POLQ: variants seen among roughly 807,000 people sequenced by gnomAD.
POLQ encodes the protein DNA polymerase theta.
In POLQ, 233 loss-of-function variants were observed where a neutral mutation model predicts 259.2. The ratio of observed to expected loss-of-function variants is 0.90; its 90% CI spans 0.81 to 1.00. The LOEUF is 1.00. POLQ is among the 50% of genes least tolerant of loss of function. The probability of loss-of-function intolerance (pLI) is 0.00; values close to 1 mark genes in which losing one functional copy is unlikely to be tolerated. For synonymous variants in POLQ, 1,025 were observed against 1,048.8 expected (o/e 0.98, Z 0.44); for missense variants, 2,871 against 3,051.6 (o/e 0.94, Z 1.39).
rs2048339790 is a variant in POLQ, at chr3:121,522,047, A to G, written c.1211T>C (p.Val404Ala). 6.2e-7 allele frequency: 1 copy of G among 1,605,194 alleles called. No individual in the cohort carries two copies. The highest frequency in any genetic ancestry group is 1.1e-5 in the South Asian group (1 of 89,776). ...TCCCCATGGTACAGTTTTCTGTAAT[A>G]CAGAGTCCAGTCCTGAAGGCAAACG... Reference protein sequence around the residue: ...LRRLPSGLDSVLQKTVPWGVA... With the variant: ...LRRLPSGLDSALQKTVPWGVA... Residue 404 changes from valine to alanine, a missense_variant, in exon 8 of 30, where the codon GTA becomes GCA. Physicochemically the swap from Val to Ala is moderately conservative, Grantham distance 64. This residue lies in a region of POLQ where 783 missense variants were observed against 906.2 expected (regional missense o/e 0.86). Coordinates refer to ENST00000264233, the MANE Select transcript of POLQ (RefSeq NM_199420.4).
At chr3:121,515,950 A>G (rs2048291388) in intron 9 of POLQ, among the ~76,000 whole-genome samples, 1 of 152,132 alleles carries the variant, frequency 6.6e-6, no homozygotes, top group South Asian at 2.1e-4. Flanking sequence ...CAATATACAA[A>G]CAAAACAAGA....
chr3:121,526,242 T>C (rs1042512077), intron 7 of POLQ, among the ~76,000 whole-genome samples: 2 of 152,230 alleles, frequency 1.3e-5, no homozygotes, highest in African/African-American at 2.4e-5. Context: ...ATGTATTTCC[T>C]GACTTCAGAA....
intron 3 of POLQ, 48 bp from the exon 4 acceptor site, chr3:121,539,637 A>T: frequency 6.9e-7 from 1 of 1,445,730 alleles, no homozygotes; most frequent in Non-Finnish European, 9.7e-7. Flanking sequence ...CTTGAAATTC[A>T]AGAGTTATAA....
At chr3:121,460,789 G>C (rs1483838957) in intron 24 of POLQ, among the ~76,000 whole-genome samples, 1 of 152,130 alleles carries the variant, frequency 6.6e-6, no homozygotes, top group African/African-American at 2.4e-5. Context: ...CAACAGGTGA[G>C]CAAGTTATTA....
chr3:121,512,492 T>C (rs571857197), intron 9 of POLQ, among the ~76,000 whole-genome samples: 1 of 152,358 alleles, frequency 6.6e-6, no homozygotes, highest in South Asian at 2.1e-4. Flanking sequence ...TCACAATTTG[T>C]TGCCCCTAGA....
intron 12 of POLQ, among the ~76,000 whole-genome samples, chr3:121,507,170 C>G (rs1432165855): frequency 6.6e-6 from 1 of 152,176 alleles, no homozygotes; most frequent in Non-Finnish European, 1.5e-5. Flanking sequence ...ACTTCTCTGA[C>G]TATTCCTGTT....
At chr3:121,461,993 T>TTCCAAAATCCAATATGC in intron 24 of POLQ, among the ~76,000 whole-genome samples, 1 of 152,276 alleles carries the variant, frequency 6.6e-6, no homozygotes, top group South Asian at 2.1e-4. Flanking sequence ...TAATCCAAAA[T>TTCCAAAATCCAATATGC]TCCAAAATCC....
chr3:121,458,143 C>A (rs2108782998), intron 25 of POLQ, among the ~76,000 whole-genome samples: 1 of 152,018 alleles, frequency 6.6e-6, no homozygotes, highest in East Asian at 1.9e-4. Context: ...GAACAAAAAA[C>A]CAAACACCGC....
intron 2 of POLQ, 144 bp from the exon 3 acceptor site, chr3:121,541,623 A>G: frequency 1.5e-6 from 1 of 652,062 alleles, no homozygotes; most frequent in Non-Finnish European, 2.6e-6. Flanking sequence ...AAATCTTTAT[A>G]CCCTGAAATG....
intron 27 of POLQ, 38 bp downstream of exon 27, chr3:121,439,954 A>C (rs763460291): frequency 6.4e-7 from 1 of 1,563,586 alleles, no homozygotes; most frequent in Non-Finnish European, 8.8e-7. Flanking sequence ...CATGTCATTG[A>C]AATGTTAAGT....
At chr3:121,491,327 C>CAA in intron 15 of POLQ, among the ~76,000 whole-genome samples, 1 of 109,606 alleles carries the variant, frequency 9.1e-6, no homozygotes, top group Non-Finnish European at 1.7e-5. Flanking sequence ...CACTCCAGGG[C>CAA]GACAGAGCGA....
At chr3:121,440,787 T>G (rs1218900971) in intron 26 of POLQ, among the ~76,000 whole-genome samples, 3 of 152,192 alleles carry the variant, frequency 2.0e-5, no homozygotes, top group Non-Finnish European at 4.4e-5. Flanking sequence ...CTTTTACTCT[T>G]TCATCTTATC....
chr3:121,472,509 G>A (rs1204939496), intron 21 of POLQ, among the ~76,000 whole-genome samples: 5 of 152,166 alleles, frequency 3.3e-5, no homozygotes, highest in Non-Finnish European at 7.3e-5. Flanking sequence ...CTCCTCACAT[G>A]ACTGGAAGTA....
intron 26 of POLQ, among the ~76,000 whole-genome samples, chr3:121,442,438 C>G (rs1015286917): frequency 1.3e-5 from 2 of 152,178 alleles, no homozygotes; most frequent in Admixed American, 6.5e-5. Context: ...CCCCCTACCC[C>G]CAATACCCTT....
intron 11 of POLQ, 42 bp downstream of exon 11, chr3:121,509,997 G>T (rs1466297923): frequency 1.4e-6 from 2 of 1,465,732 alleles, no homozygotes; most frequent in African/African-American, 1.4e-5. Context: ...CCTCACTAAA[G>T]AAGAAAAAGT....
intron 8 of POLQ, among the ~76,000 whole-genome samples, chr3:121,521,195 T>C (rs374313475): frequency 1.3e-5 from 2 of 152,200 alleles, no homozygotes; most frequent in East Asian, 3.9e-4. Context: ...TTAAATTGCA[T>C]GTCCTACCAC....
At chr3:121,506,858 T>G (rs1156250013) in intron 12 of POLQ, among the ~76,000 whole-genome samples, 1 of 152,162 alleles carries the variant, frequency 6.6e-6, no homozygotes, top group East Asian at 1.9e-4. Flanking sequence ...GATCCAAATG[T>G]CCATCAATAG....
intron 12 of POLQ, among the ~76,000 whole-genome samples, chr3:121,506,947 G>A (rs1283915233): frequency 2.6e-5 from 4 of 151,896 alleles, no homozygotes; most frequent in African/African-American, 7.3e-5. Context: ...AAAATGAATT[G>A]ATATGAAGTG....
chr3:121,440,289 T>A (rs1415340690), intron 26 of POLQ, among the ~76,000 whole-genome samples, 173 bp from the exon 27 acceptor site: 1 of 152,200 alleles, frequency 6.6e-6, no homozygotes, highest in Non-Finnish European at 1.5e-5. Flanking sequence ...CTCAAAAAGT[T>A]AGAAATAAAA....
Sources: allele counts gnomAD v4.1 joint callset (sites outside exome capture counted in the v4.1 genomes callset), GRCh38; gene constraint gnomAD v4.1.1; regional missense constraint gnomAD v4.1.1; transcripts MANE v1.5; gene names NCBI Gene and HGNC (gene_info 2026-07-23, HGNC 2026-07-21).